Variants in BICC1 observed in about 807,000 individuals in gnomAD.
BICC1 encodes the protein BicC family RNA binding protein 1.
A neutral mutation model predicts 111.0 loss-of-function variants in BICC1; 43 were observed. The observed-to-expected ratio is 0.39, with a 90% CI of 0.30 to 0.50. The LOEUF (loss-of-function observed/expected upper bound fraction) is 0.50. BICC1 is among the 20% of genes least tolerant of loss of function. The pLI is 0.88. For missense variants in BICC1, 1,091 were observed against 1,203.2 expected, an observed-to-expected ratio of 0.91 and a Z score of 1.38; for synonymous variants, 467 against 434.4, an observed-to-expected ratio of 1.07 and a Z score of -0.93.
chr10:58,751,985 T>C (rs1842002750), intron 3 of BICC1, among the ~76,000 whole-genome samples: 1 of 152,220 alleles, frequency 6.6e-6, no homozygotes, highest in African/African-American at 2.4e-5. Flanking sequence ...CTTTCTGTTA[T>C]AACCTTCTCT....
chr10:58,573,512 C>A (rs1364599298), intron 1 of BICC1, among the ~76,000 whole-genome samples: 1 of 152,066 alleles, frequency 6.6e-6, no homozygotes, highest in South Asian at 2.1e-4. Context: ...GATTATAATT[C>A]TTTGTTTCTT....
intron 9 of BICC1, among the ~76,000 whole-genome samples, chr10:58,794,258 C>T (rs1400113799): frequency 6.7e-6 from 1 of 149,268 alleles, no homozygotes; most frequent in Non-Finnish European, 1.5e-5. Flanking sequence ...TACTATATGC[C>T]ATCTCCTGCG....
At chr10:58,774,720 A>G (rs1383926544) in intron 3 of BICC1, among the ~76,000 whole-genome samples, 1 of 152,172 alleles carries the variant, frequency 6.6e-6, no homozygotes, top group Non-Finnish European at 1.5e-5. Context: ...ATTTCCACCA[A>G]AAGTATGGGA....
chr10:58,573,097 G>T (rs1366520984), intron 1 of BICC1, among the ~76,000 whole-genome samples: 1 of 152,108 alleles, frequency 6.6e-6, no homozygotes, highest in African/African-American at 2.4e-5. Flanking sequence ...AATTTTGGAA[G>T]CTGCATGTTC....
At chr10:58,802,793 C>T (rs1279335301) in intron 14 of BICC1, among the ~76,000 whole-genome samples, 1 of 152,196 alleles carries the variant, frequency 6.6e-6, no homozygotes, top group Non-Finnish European at 1.5e-5. Context: ...GAATGTGCAT[C>T]ATGAAATAGT....
chr10:58,713,331 T>C (rs555103890), intron 3 of BICC1, among the ~76,000 whole-genome samples: 1 of 152,298 alleles, frequency 6.6e-6, no homozygotes, highest in East Asian at 1.9e-4. Flanking sequence ...CCAGGATCCC[T>C]TCCATCTGCA....
In BICC1 at chr10:58,799,044, A is replaced by T; in HGVS notation, c.1529-12A>T. The T allele has an allele frequency of 6.6e-7, 1 of 1,523,364 alleles. No homozygotes were observed. The highest frequency in any genetic ancestry group is 8.9e-7 in the Non-Finnish European group (1 of 1,121,658). The allele number at this position is 1,523,364 out of a possible 1,614,324, so 94.4% of individuals were successfully genotyped here. On this transcript the variant is annotated splice_polypyrimidine_tract_variant and intron_variant, in intron 11 of 20. Coordinates refer to ENST00000373886, the MANE Select transcript of BICC1 (RefSeq NM_001080512.3). ...TCTTCCTAATATCTGTCATCATAAA[A>T]TGTTGTTGTAGGTTTTTCTGCTATA... is the stretch of plus-strand genomic sequence containing the variant.
At chr10:58,823,123 G>T (rs1844300489) in intron 20 of BICC1, 2 of 501,110 alleles carry the variant, frequency 4.0e-6, no homozygotes, top group African/African-American at 2.1e-5. Context: ...TTCATGATTG[G>T]TCAAATGTAC....
chr10:58,639,810 T>C (rs770423423), intron 2 of BICC1, among the ~76,000 whole-genome samples: 39 of 144,634 alleles, frequency 2.7e-4, no homozygotes, highest in Non-Finnish European at 5.2e-4. Flanking sequence ...CCTCCCAGGC[T>C]CAAGTGATCC....
At chr10:58,694,143 T>C (rs1217794807) in intron 2 of BICC1, among the ~76,000 whole-genome samples, 1 of 152,144 alleles carries the variant, frequency 6.6e-6, no homozygotes, top group Non-Finnish European at 1.5e-5. Flanking sequence ...CCTGTTCTCA[T>C]TGACTTCTGA....
At chr10:58,818,261 A>G (rs530758522) in intron 19 of BICC1, among the ~76,000 whole-genome samples, 2 of 152,270 alleles carry the variant, frequency 1.3e-5, no homozygotes, top group South Asian at 4.1e-4. Flanking sequence ...TGAGATGTCT[A>G]CTGAACAATC....
At chr10:58,555,631 G>A (rs541437177) in intron 1 of BICC1, among the ~76,000 whole-genome samples, 3 of 152,220 alleles carry the variant, frequency 2.0e-5, no homozygotes, top group African/African-American at 7.2e-5. Flanking sequence ...GTGAGTGCTT[G>A]AAAAATATGG....
At chr10:58,590,806 T>C (rs1298002793) in intron 1 of BICC1, among the ~76,000 whole-genome samples, 1 of 152,196 alleles carries the variant, frequency 6.6e-6, no homozygotes, top group Non-Finnish European at 1.5e-5. Flanking sequence ...AAAAGGCAGC[T>C]GCCTGTCAAA....
chr10:58,716,152 A>G lies in BICC1; in HGVS notation c.307+14009A>G, dbSNP rs1840733070. ...TGAGTCCTTGTAAGAATCAGAGTAT[A>G]TTGAGGAGGTGCGAGCAAAAAAGAA... On this transcript the variant is annotated intron_variant, in intron 3 of 20. Coordinates refer to ENST00000373886, the MANE Select transcript of BICC1 (RefSeq NM_001080512.3). 5.3e-6 allele frequency: 8 copies of G among 1,503,896 alleles called. No homozygotes were observed. In the East Asian group the frequency reaches 2.0e-4, roughly 37 times the overall value. The allele number at this position is 1,503,896 out of a possible 1,614,324, so 93.2% of individuals were successfully genotyped here. A position where few individuals can be genotyped will look rare whatever the true frequency, so the allele number is the denominator to read the frequency against.
chr10:58,689,272 A>G (rs150501468), intron 2 of BICC1, among the ~76,000 whole-genome samples: 367 of 152,218 alleles, frequency 2.4e-3, no homozygotes, highest in African/African-American at 8.5e-3. Flanking sequence ...GAACTTAGTA[A>G]TTCTCTTACA....
At chr10:58,610,763 C>CT (rs1266723429) in intron 1 of BICC1, among the ~76,000 whole-genome samples, 1 of 151,586 alleles carries the variant, frequency 6.6e-6, no homozygotes, top group African/African-American at 2.4e-5. Flanking sequence ...ATACATTTTT[C>CT]TTTTTGCGGT....
rs540524147 is a variant in BICC1 at position 58,710,016 on chromosome 10, A to C, written c.307+7873A>C. Reference sequence around the variant, plus strand: ...ATTTTAATTAGTATTTATTTACATAATTAGCGATTATGTAAGTGGGTCCTA... The same window carrying C: ...ATTTTAATTAGTATTTATTTACATACTTAGCGATTATGTAAGTGGGTCCTA... On this transcript the variant is annotated intron_variant, in intron 3 of 20. Transcript: ENST00000373886. Among the ~76,000 whole-genome samples, 63 of 152,320 alleles carry C rather than the reference A, an allele frequency of 4.1e-4. 1 individual carries two copies. Among genetic ancestry groups the C allele is most frequent in the African/African-American group, 1.5e-3 (62 of 41,576 alleles).
At chr10:58,813,180 ATAG>A (rs1349349286) in intron 17 of BICC1, among the ~76,000 whole-genome samples, 2 of 152,348 alleles carry the variant, frequency 1.3e-5, no homozygotes, top group African/African-American at 2.4e-5. Context: ...ACTCTAGGTA[ATAG>A]TAGGGTGTCT....
At chr10:58,515,954 G>A (rs1842231439) in intron 1 of BICC1, among the ~76,000 whole-genome samples, 1 of 151,968 alleles carries the variant, frequency 6.6e-6, no homozygotes, top group African/African-American at 2.4e-5. Flanking sequence ...AAATAGTTGG[G>A]GAACAAAATA....
Sources: gnomAD v4.1 joint callset for allele counts (sites outside exome capture counted in the v4.1 genomes callset) on GRCh38, gnomAD v4.1.1 for gene constraint, MANE v1.5 for transcripts, NCBI Gene and HGNC (gene_info 2026-07-23, HGNC 2026-07-21) for gene names.